The following FSTL4 variants were observed in gnomAD, a reference collection of about 807,000 sequenced individuals.
The protein encoded by FSTL4 is follistatin like 4.
In FSTL4, 28 loss-of-function variants were observed where a neutral mutation model predicts 78.2. The observed-to-expected ratio is 0.36, with a 90% CI of 0.27 to 0.49. The LOEUF is 0.49. FSTL4 is among the 20% of genes least tolerant of loss of function. The probability of loss-of-function intolerance (pLI) is 0.98; values close to 1 mark genes in which losing one functional copy is unlikely to be tolerated. For missense variants in FSTL4, 922 were observed against 1,084.9 expected (o/e 0.85, Z 2.11); for synonymous variants, 422 against 440.5 (o/e 0.96, Z 0.53).
rs555348699 is a variant in FSTL4, at chr5:133,239,861, C to G, written c.895-6324G>C. On this transcript the variant is annotated intron_variant, in intron 7 of 15. Coordinates refer to ENST00000265342, the MANE Select transcript of FSTL4 (RefSeq NM_015082.2). Reference sequence around the variant, plus strand: ...GGGATTATAAACGCACCAATCAGCACCCTGTCAAAACGGACCAATCAGCTC... The same window carrying G: ...GGGATTATAAACGCACCAATCAGCAGCCTGTCAAAACGGACCAATCAGCTC... Among the ~76,000 whole-genome samples the G allele has an allele frequency of 4.7e-4, 71 of 152,346 alleles. No individual in the cohort carries two copies. In the South Asian group the frequency reaches 0.014, roughly 31 times the overall value.
the FSTL4 span, among the ~76,000 whole-genome samples, chr5:133,742,922 T>TGA: frequency 6.6e-6 from 1 of 152,158 alleles, no homozygotes; most frequent in African/African-American, 2.4e-5. Context: ...TTCAGGCAGA[T>TGA]CTACCGTCAT....
chr5:133,685,783 G>T, the FSTL4 span, among the ~76,000 whole-genome samples: 1 of 152,246 alleles, frequency 6.6e-6, no homozygotes, highest in African/African-American at 2.4e-5. Flanking sequence ...ATTCTCTGGG[G>T]ACAGATGCCT....
intron 13 of FSTL4, among the ~76,000 whole-genome samples, chr5:133,213,153 C>T (rs1388270006): frequency 6.6e-6 from 1 of 151,908 alleles, no homozygotes; most frequent in African/African-American, 2.4e-5. Flanking sequence ...TAGGCCTGCA[C>T]CACCACGCCC....
chr5:133,351,154 C>T (rs1002924988), intron 4 of FSTL4, among the ~76,000 whole-genome samples: 8 of 152,126 alleles, frequency 5.3e-5, no homozygotes, highest in African/African-American at 1.7e-4. Flanking sequence ...GAGCCCTTCT[C>T]GTAGCTTCTA....
At chr5:133,818,245 C>T in the FSTL4 span, among the ~76,000 whole-genome samples, 1 of 152,332 alleles carries the variant, frequency 6.6e-6, no homozygotes, top group African/African-American at 2.4e-5. Flanking sequence ...GGATTAACAG[C>T]ATTTACTCTG....
intron 14 of FSTL4, among the ~76,000 whole-genome samples, chr5:133,206,629 T>C (rs574478718): frequency 5.3e-5 from 8 of 152,344 alleles, no homozygotes; most frequent in Admixed American, 3.3e-4. Context: ...CCCAAAGTGC[T>C]GGGATTATAG....
the FSTL4 span, among the ~76,000 whole-genome samples, chr5:133,758,270 A>ACTGAATTCAT: frequency 2.6e-5 from 4 of 152,228 alleles, no homozygotes; most frequent in Non-Finnish European, 5.9e-5. Flanking sequence ...TAGATATATC[A>ACTGAATTCAT]CTGAATTCAT....
chr5:133,384,556 T>C (rs1174873740), intron 4 of FSTL4, among the ~76,000 whole-genome samples: 8 of 152,230 alleles, frequency 5.3e-5, no homozygotes, highest in Non-Finnish European at 1.0e-4. Context: ...AATCAGTGCC[T>C]GGTCCTGCTG....
intron 3 of FSTL4, among the ~76,000 whole-genome samples, chr5:133,499,061 C>T (rs549744237): frequency 1.1e-4 from 16 of 149,770 alleles, no homozygotes; most frequent in East Asian, 4.1e-4. Flanking sequence ...TATGTAACAA[C>T]GGATATAGCA....
the FSTL4 span, among the ~76,000 whole-genome samples, chr5:133,837,022 T>C: frequency 2.3e-4 from 35 of 152,136 alleles, no homozygotes; most frequent in Non-Finnish European, 3.8e-4. Flanking sequence ...TCCCTTATCT[T>C]TTCAAATATG....
chr5:133,619,935 A>T, the FSTL4 span, among the ~76,000 whole-genome samples: 52 of 152,366 alleles, frequency 3.4e-4, no homozygotes, highest in South Asian at 6.4e-3. Context: ...ATTGGCTTTA[A>T]TGCAATCATT....
chr5:133,330,476 C>T (rs114828091), intron 4 of FSTL4, among the ~76,000 whole-genome samples: 2,571 of 152,164 alleles, frequency 0.017, 39 homozygotes, highest in Non-Finnish European at 0.026. Context: ...AACCAGATCT[C>T]GCAAGGACTC....
chr5:133,812,837 G>A, the FSTL4 span, among the ~76,000 whole-genome samples: 1 of 152,234 alleles, frequency 6.6e-6, no homozygotes, highest in Non-Finnish European at 1.5e-5. Context: ...CCTAGCACTT[G>A]GGAGATGCTT....
intron 4 of FSTL4, among the ~76,000 whole-genome samples, chr5:133,389,474 C>G (rs1215662518): frequency 6.6e-6 from 1 of 152,198 alleles, no homozygotes; most frequent in Non-Finnish European, 1.5e-5. Context: ...CAAGCTCACT[C>G]TCTGCGGAAT....
At chr5:133,414,981 C>T (rs530050828) in intron 3 of FSTL4, among the ~76,000 whole-genome samples, 12 of 152,222 alleles carry the variant, frequency 7.9e-5, no homozygotes, top group Non-Finnish European at 1.6e-4. Flanking sequence ...TACCAATAAC[C>T]TATGCACCTC....
At chr5:133,687,496 G>C in the FSTL4 span, among the ~76,000 whole-genome samples, 3 of 152,162 alleles carry the variant, frequency 2.0e-5, no homozygotes, top group Non-Finnish European at 4.4e-5. Context: ...ACACAGAGAG[G>C]AGGAGAGAGA....
At chr5:133,819,501 GA>G in the FSTL4 span, among the ~76,000 whole-genome samples, 1 of 152,162 alleles carries the variant, frequency 6.6e-6, no homozygotes, top group South Asian at 2.1e-4. Flanking sequence ...TCTGTGCAAC[GA>G]CACTCAGCCT....
intron 2 of FSTL4, among the ~76,000 whole-genome samples, chr5:133,592,903 T>C (rs757986824): frequency 4.2e-4 from 64 of 152,282 alleles, no homozygotes; most frequent in Non-Finnish European, 7.5e-4. Context: ...ACTTTCTTTA[T>C]AAATTACCAG....
intron 4 of FSTL4, among the ~76,000 whole-genome samples, chr5:133,354,624 G>T (rs920912961): frequency 2.0e-5 from 3 of 152,226 alleles, no homozygotes; most frequent in Admixed American, 1.3e-4. Context: ...CCCTCCTGTG[G>T]CCTCAGAGAG....
Sources: gnomAD v4.1 joint callset for allele counts (sites outside exome capture counted in the v4.1 genomes callset) on GRCh38, gnomAD v4.1.1 for gene constraint, MANE v1.5 for transcripts, NCBI Gene and HGNC (gene_info 2026-07-23, HGNC 2026-07-21) for gene names.